Variants in C1orf21 observed in about 807,000 individuals in gnomAD.
C1orf21 encodes the protein uncharacterized protein C1orf21.
C1orf21 carries 3 observed loss-of-function variants against 18.7 expected under a neutral mutation model. The ratio of observed to expected loss-of-function variants is 0.16; its 90% CI spans 0.07 to 0.42. The LOEUF (loss-of-function observed/expected upper bound fraction) is 0.42. Among genes scored for constraint, C1orf21 ranks in the 10% least tolerant of loss-of-function variants. The pLI is 0.99. For missense variants in C1orf21, 104 were observed against 143.6 expected, an observed-to-expected ratio of 0.72 and a Z score of 1.41; for synonymous variants, 41 against 46.4, an observed-to-expected ratio of 0.88 and a Z score of 0.47.
intron 3 of C1orf21, among the ~76,000 whole-genome samples, chr1:184,565,994 G>A (rs1418900908): frequency 2.6e-5 from 4 of 152,190 alleles, no homozygotes; most frequent in Non-Finnish European, 5.9e-5. Context: ...TATATTAAAA[G>A]GGGAGGGGAA....
intron 5 of C1orf21, among the ~76,000 whole-genome samples, chr1:184,607,643 GTGTGTGTATATATACATATATA>G (rs1170732431): frequency 4.7e-5 from 7 of 148,644 alleles, no homozygotes; most frequent in Admixed American, 2.7e-4. Context: ...ACATATATAT[GTGTGTGTATATATACATATATA>G]TGTGTGTATA....
chr1:184,539,806 G>A (rs925943269), intron 3 of C1orf21, among the ~76,000 whole-genome samples: 1 of 152,182 alleles, frequency 6.6e-6, no homozygotes, highest in Non-Finnish European at 1.5e-5. Context: ...TGTGAGTGGA[G>A]GGGATATGTG....
At chr1:184,411,461 G>A (rs7548074) in intron 1 of C1orf21, among the ~76,000 whole-genome samples, 52,202 of 135,384 alleles carry the variant, frequency 0.39, 14,540 homozygotes, top group African/African-American at 0.81. Context: ...TCACTCTGTC[G>A]CCCAGGCTGG....
At chr1:184,482,136 G>C (rs1478933327) in intron 2 of C1orf21, among the ~76,000 whole-genome samples, 1 of 152,130 alleles carries the variant, frequency 6.6e-6, no homozygotes, top group Admixed American at 6.5e-5. Context: ...TCACGATTCT[G>C]GGGGATGGCT....
intron 1 of C1orf21, among the ~76,000 whole-genome samples, chr1:184,404,622 A>G (rs540146942): frequency 6.6e-6 from 1 of 152,328 alleles, no homozygotes; most frequent in South Asian, 2.1e-4. Context: ...TACAGTTACC[A>G]TAGCAATTCA....
intron 1 of C1orf21, among the ~76,000 whole-genome samples, chr1:184,452,389 C>T (rs983520936): frequency 2.6e-5 from 4 of 151,560 alleles, no homozygotes; most frequent in Admixed American, 6.6e-5. Flanking sequence ...GGGAGAATCA[C>T]GTCATATCTT....
At chr1:184,611,418 G>A (rs546610890) in intron 5 of C1orf21, among the ~76,000 whole-genome samples, 1 of 152,302 alleles carries the variant, frequency 6.6e-6, no homozygotes, top group East Asian at 1.9e-4. Flanking sequence ...GCAGGCGGTG[G>A]TTTAAGCCCA....
chr1:184,456,685 C>T (rs1208366945), intron 1 of C1orf21, among the ~76,000 whole-genome samples: 1 of 152,160 alleles, frequency 6.6e-6, no homozygotes, highest in African/African-American at 2.4e-5. Flanking sequence ...CAATACTCAA[C>T]TAAAATCCTC....
At chr1:184,569,146 G>T (rs1659075341) in intron 3 of C1orf21, among the ~76,000 whole-genome samples, 2 of 152,204 alleles carry the variant, frequency 1.3e-5, no homozygotes, top group Admixed American at 6.5e-5. Context: ...GCGTCAGCAT[G>T]GTGTTTTCTT....
chr1:184,577,833 T>C (rs934070715), intron 3 of C1orf21, among the ~76,000 whole-genome samples: 2 of 152,224 alleles, frequency 1.3e-5, no homozygotes, highest in Admixed American at 6.5e-5. Context: ...TTTGTTAACT[T>C]TTACCAATGT....
At chr1:184,565,236 A>G (rs1659019810) in intron 3 of C1orf21, among the ~76,000 whole-genome samples, 1 of 152,256 alleles carries the variant, frequency 6.6e-6, no homozygotes, top group Admixed American at 6.5e-5. Context: ...GATATTATTC[A>G]TGAGGATAAT....
chr1:184,480,463 T>C (rs569342337), intron 2 of C1orf21, among the ~76,000 whole-genome samples: 10 of 152,310 alleles, frequency 6.6e-5, no homozygotes, highest in African/African-American at 2.4e-4. Flanking sequence ...TACATTCTGC[T>C]TGGCAATGAG....
intron 1 of C1orf21, among the ~76,000 whole-genome samples, chr1:184,474,516 T>A (rs1657542137): frequency 6.6e-6 from 1 of 152,328 alleles, no homozygotes; most frequent in East Asian, 1.9e-4. Context: ...CAAACACAAC[T>A]TTTAAAACAC....
intron 2 of C1orf21, among the ~76,000 whole-genome samples, chr1:184,496,839 CA>C (rs1657901611): frequency 6.6e-6 from 1 of 152,214 alleles, no homozygotes; most frequent in Non-Finnish European, 1.5e-5. Flanking sequence ...ACTTAAAAAT[CA>C]TTAAAAGTTC....
In C1orf21 at chr1:184,560,019, T is replaced by C. The variant is rs556961742; in HGVS notation, c.190-30720T>C. Among the ~76,000 whole-genome samples the C allele has an allele frequency of 2.9e-4, 44 of 152,256 alleles. No individual in the cohort carries two copies. The East Asian group carries it at 7.5e-3, about 26-fold the overall frequency. On this transcript the variant is annotated intron_variant, in intron 3 of 5. Transcript: ENST00000235307. ...ATCCCGCCTTGACCTCCCAAAGTGC[T>C]GGGATTACAGATGTGAGCCACCGTG...
intron 5 of C1orf21, among the ~76,000 whole-genome samples, chr1:184,601,171 C>G (rs1257229108): frequency 6.6e-6 from 1 of 152,124 alleles, no homozygotes. Flanking sequence ...GCTGAGAGAC[C>G]TTGAGTTTTA....
intron 4 of C1orf21, among the ~76,000 whole-genome samples, chr1:184,596,286 G>A (rs1659511926): frequency 6.6e-6 from 1 of 152,144 alleles, no homozygotes; most frequent in African/African-American, 2.4e-5. Flanking sequence ...TTATAGATGA[G>A]GACTCAGGCC....
At chr1:184,460,085 C>T (rs897138519) in intron 1 of C1orf21, among the ~76,000 whole-genome samples, 1 of 152,134 alleles carries the variant, frequency 6.6e-6, no homozygotes, top group Non-Finnish European at 1.5e-5. Flanking sequence ...CAACAAGCAC[C>T]CTGGGAGAAA....
intron 3 of C1orf21, among the ~76,000 whole-genome samples, chr1:184,580,125 C>T (rs1193201785): frequency 1.3e-5 from 2 of 151,798 alleles, no homozygotes; most frequent in Non-Finnish European, 1.5e-5. Flanking sequence ...ATGTCTTGAA[C>T]ATCCCTAAAA....
Sources: allele counts gnomAD v4.1 joint callset (sites outside exome capture counted in the v4.1 genomes callset), GRCh38; gene constraint gnomAD v4.1.1; transcripts MANE v1.5; gene names NCBI Gene and HGNC (gene_info 2026-07-23, HGNC 2026-07-21).